RUNX2: variants seen among roughly 807,000 people sequenced by gnomAD.
RUNX2 encodes the protein runt-related transcription factor 2.
RUNX2 carries 10 observed loss-of-function variants against 51.7 expected under a neutral mutation model. The observed-to-expected ratio is 0.19, with a 90% confidence interval of 0.12 to 0.33. RUNX2 has a LOEUF of 0.33. Among genes scored for constraint, RUNX2 ranks in the 10% least tolerant of loss-of-function variants. The probability of loss-of-function intolerance (pLI) is 1.00; values close to 1 mark genes in which losing one functional copy is unlikely to be tolerated. For synonymous variants in RUNX2, 276 were observed against 273.6 expected, an observed-to-expected ratio of 1.01 and a Z score of -0.09; for missense variants, 562 against 691.3, an observed-to-expected ratio of 0.81 and a Z score of 2.10.
intron 6 of RUNX2, among the ~76,000 whole-genome samples, chr6:45,503,300 A>T (rs1436365902): frequency 2.0e-5 from 3 of 152,220 alleles, no homozygotes; most frequent in African/African-American, 7.2e-5. Context: ...TTTATTCAAC[A>T]TTAATATTCC....
intron 7 of RUNX2, among the ~76,000 whole-genome samples, chr6:45,522,059 T>C (rs1424857402): frequency 6.6e-6 from 1 of 152,242 alleles, no homozygotes; most frequent in African/African-American, 2.4e-5. Context: ...CTAGAACATT[T>C]TAGATTTTAA....
At chr6:45,432,552 T>C (rs951089849) in intron 4 of RUNX2, among the ~76,000 whole-genome samples, 1 of 152,204 alleles carries the variant, frequency 6.6e-6, no homozygotes, top group African/African-American at 2.4e-5. Flanking sequence ...AAGTGAATAA[T>C]GTATTACTTA....
chr6:45,431,199 A>T (rs185363948), intron 3 of RUNX2, among the ~76,000 whole-genome samples: 1 of 152,276 alleles, frequency 6.6e-6, no homozygotes, highest in East Asian at 1.9e-4. Flanking sequence ...CTAAGGGTAT[A>T]TATTGTTTTT....
intron 2 of RUNX2, among the ~76,000 whole-genome samples, chr6:45,333,794 C>T (rs1372564803): frequency 6.6e-6 from 1 of 151,220 alleles, no homozygotes; most frequent in Non-Finnish European, 1.5e-5. Context: ...ACTTCCTCTA[C>T]TCTATATTCT....
chr6:45,392,500 C>A (rs1042001021), intron 2 of RUNX2, among the ~76,000 whole-genome samples: 2 of 152,016 alleles, frequency 1.3e-5, no homozygotes, highest in African/African-American at 4.8e-5. Flanking sequence ...GATTCTGTCC[C>A]TAATAAAATA....
intron 2 of RUNX2, among the ~76,000 whole-genome samples, chr6:45,405,412 T>C (rs1295277192): frequency 6.6e-6 from 1 of 152,212 alleles, no homozygotes; most frequent in African/African-American, 2.4e-5. Flanking sequence ...GCACTACAGC[T>C]AGCTCATATC....
chr6:45,465,122 G>T (rs141153039), intron 5 of RUNX2, among the ~76,000 whole-genome samples: 2 of 152,218 alleles, frequency 1.3e-5, no homozygotes, highest in African/African-American at 4.8e-5. Context: ...GGTGGCTCAG[G>T]GAGAGCAGTA....
intron 6 of RUNX2, among the ~76,000 whole-genome samples, chr6:45,504,490 G>C (rs1271462021): frequency 6.6e-6 from 1 of 152,186 alleles, no homozygotes; most frequent in Non-Finnish European, 1.5e-5. Flanking sequence ...CTTGGAGGAG[G>C]CCATTTGTTT....
intron 2 of RUNX2, among the ~76,000 whole-genome samples, chr6:45,361,205 T>A (rs1002191071): frequency 9.2e-5 from 14 of 152,176 alleles, no homozygotes; most frequent in Admixed American, 8.5e-4. Flanking sequence ...AAAATTTTTT[T>A]AATTTGTGGA....
chr6:45,422,881 C>T lies in RUNX2; in HGVS notation c.347C>T (p.Thr116Ile). The T allele has an allele frequency of 6.2e-7, 1 of 1,612,772 alleles. No homozygotes were observed. Among genetic ancestry groups the T allele is most frequent in the Non-Finnish European group, 8.5e-7 (1 of 1,179,654 alleles). ...GACCACCCGGCCGAACTCGTCCGCA[C>T]CGACAGCCCCAACTTCCTGTGCTCG... ...IADHPAELVR[T>I]DSPNFLCSVL... is the part of the protein sequence containing the mutation. The change falls in exon 3 of 9, where the codon ACC becomes ATC. Residue 116 changes from threonine to isoleucine, a missense_variant. Coordinates refer to ENST00000647337, the MANE Select transcript of RUNX2 (RefSeq NM_001024630.4).
intron 7 of RUNX2, among the ~76,000 whole-genome samples, chr6:45,543,145 A>G (rs911552748): frequency 5.3e-5 from 8 of 152,214 alleles, no homozygotes; most frequent in South Asian, 2.1e-4. Context: ...TGTATAGTGT[A>G]TTATTTTCCC....
chr6:45,390,799 G>A (rs1295071929), intron 2 of RUNX2, among the ~76,000 whole-genome samples: 1 of 152,166 alleles, frequency 6.6e-6, no homozygotes, highest in Admixed American at 6.5e-5. Context: ...GAGAGAAGCT[G>A]GATAACTGAG....
At chr6:45,370,759 A>G (rs1795927158) in intron 2 of RUNX2, among the ~76,000 whole-genome samples, 2 of 152,182 alleles carry the variant, frequency 1.3e-5, no homozygotes, top group Non-Finnish European at 2.9e-5. Flanking sequence ...GCAGCATTAC[A>G]TATCCTACCT....
At chr6:45,416,837 C>T (rs1013624089) in intron 2 of RUNX2, among the ~76,000 whole-genome samples, 1 of 152,178 alleles carries the variant, frequency 6.6e-6, no homozygotes, top group African/African-American at 2.4e-5. Context: ...TCTGAAAGGT[C>T]ATATGGCAAG....
At chr6:45,471,256 T>C (rs1302234000) in intron 5 of RUNX2, among the ~76,000 whole-genome samples, 1 of 152,138 alleles carries the variant, frequency 6.6e-6, no homozygotes, top group African/African-American at 2.4e-5. Flanking sequence ...AACAAATAAG[T>C]TCCTGGTTGT....
At chr6:45,348,476 G>T (rs1791352452) in intron 2 of RUNX2, among the ~76,000 whole-genome samples, 1 of 137,270 alleles carries the variant, frequency 7.3e-6, no homozygotes, top group African/African-American at 2.8e-5. Flanking sequence ...AGACCAGACT[G>T]ACCAACACAG....
chr6:45,397,270 A>G (rs1207962995), intron 2 of RUNX2, among the ~76,000 whole-genome samples: 1 of 151,120 alleles, frequency 6.6e-6, no homozygotes, highest in Non-Finnish European at 1.5e-5. Flanking sequence ...CGTCCGGCTA[A>G]TTTTTTCTAC....
chr6:45,514,823 A>C (rs909345385), intron 7 of RUNX2, among the ~76,000 whole-genome samples: 3 of 152,128 alleles, frequency 2.0e-5, no homozygotes, highest in African/African-American at 7.2e-5. Flanking sequence ...CCCAGGTACC[A>C]AGTTAGACAA....
chr6:45,488,913 A>C (rs1055423477), intron 5 of RUNX2, among the ~76,000 whole-genome samples: 2 of 152,198 alleles, frequency 1.3e-5, no homozygotes, highest in Admixed American at 1.3e-4. Context: ...TTGGTCTTCC[A>C]TGTTCTTAAT....
Sources: allele counts gnomAD v4.1 joint callset (sites outside exome capture counted in the v4.1 genomes callset), GRCh38; gene constraint gnomAD v4.1.1; transcripts MANE v1.5; gene names NCBI Gene and HGNC (gene_info 2026-07-23, HGNC 2026-07-21).